Variants in TMEM132D observed in about 807,000 individuals in gnomAD.
TMEM132D encodes mature OL transmembrane protein.
Under a neutral mutation model 62.3 loss-of-function variants are expected in TMEM132D, and 21 were observed. The observed-to-expected ratio is 0.34, with a 90% CI of 0.24 to 0.49. The LOEUF is 0.49. Ranked by LOEUF, TMEM132D falls within the 20% of genes least tolerant of loss-of-function variation. TMEM132D has a pLI of 0.99. For missense variants in TMEM132D, 1,346 were observed against 1,402.8 expected (o/e 0.96, Z 0.65); for synonymous variants, 621 against 575.6 (o/e 1.08, Z -1.13).
chr12:129,653,043 C>A (rs1191382998), intron 2 of TMEM132D, among the ~76,000 whole-genome samples: 1 of 152,158 alleles, frequency 6.6e-6, no homozygotes, highest in African/African-American at 2.4e-5. Flanking sequence ...CACCAGTGGA[C>A]GCATTTTAAG....
At position 129,343,627 on chromosome 12, in the gene TMEM132D, T is replaced by A. The variant is rs139195182; in HGVS notation, c.1116-5810A>T. 4.6e-3 allele frequency among the ~76,000 whole-genome samples: 700 copies of A among 152,092 alleles called. 7 individuals carry two copies. The highest frequency in any genetic ancestry group is 0.016 in the African/African-American group (667 of 41,500). Reference sequence around the variant, plus strand: ...CCTAATTTTGTTTTACCGATAATAATGTTGCCGGGCGTGGTGGCTCATGCC... The same window carrying A: ...CCTAATTTTGTTTTACCGATAATAAAGTTGCCGGGCGTGGTGGCTCATGCC... On this transcript the variant is annotated intron_variant, in intron 3 of 8. Coordinates refer to ENST00000422113, the MANE Select transcript of TMEM132D (RefSeq NM_133448.3).
intron 4 of TMEM132D, among the ~76,000 whole-genome samples, 160 bp downstream of exon 4, chr12:129,337,468 CACACAT>C (rs1489160892): frequency 6.7e-5 from 10 of 149,870 alleles, no homozygotes; most frequent in Non-Finnish European, 6.0e-5. Flanking sequence ...CACACACACA[CACACAT>C]AACGATTGGC....
chr12:129,544,905 G>A (rs1463070057), intron 2 of TMEM132D, among the ~76,000 whole-genome samples: 1 of 152,096 alleles, frequency 6.6e-6, no homozygotes, highest in African/African-American at 2.4e-5. Context: ...CAGACATCAG[G>A]GTGACTGAGT....
chr12:129,421,603 G>A (rs1390354076), intron 3 of TMEM132D, among the ~76,000 whole-genome samples: 2 of 152,276 alleles, frequency 1.3e-5, no homozygotes, highest in African/African-American at 4.8e-5. Flanking sequence ...TAAGAAACCT[G>A]AATCAATAGA....
intron 4 of TMEM132D, among the ~76,000 whole-genome samples, chr12:129,289,296 C>A (rs1273408637): frequency 6.6e-6 from 1 of 152,062 alleles, no homozygotes; most frequent in Non-Finnish European, 1.5e-5. Context: ...GTAATCCCAG[C>A]ACTTTGGGAG....
chr12:129,546,214 T>C (rs1038759325), intron 2 of TMEM132D, among the ~76,000 whole-genome samples: 1 of 152,194 alleles, frequency 6.6e-6, no homozygotes, highest in Non-Finnish European at 1.5e-5. Context: ...AGAATGTGCT[T>C]ATTTTATTTA....
chr12:129,434,764 GCATATCCATCACC>G (rs1281573380), intron 3 of TMEM132D, among the ~76,000 whole-genome samples: 1 of 151,960 alleles, frequency 6.6e-6, no homozygotes, highest in Non-Finnish European at 1.5e-5. Context: ...AGAGTAATTA[GCATATCCATCACC>G]CATATCCATC....
intron 1 of TMEM132D, among the ~76,000 whole-genome samples, chr12:129,766,908 A>T (rs1870571889): frequency 6.6e-6 from 1 of 152,132 alleles, no homozygotes; most frequent in Non-Finnish European, 1.5e-5. Context: ...CCATGGCAAC[A>T]CCCGGAAGTT....
intron 5 of TMEM132D, among the ~76,000 whole-genome samples, chr12:129,180,945 T>C (rs180938166): frequency 1.3e-5 from 2 of 151,970 alleles, no homozygotes; most frequent in Non-Finnish European, 2.9e-5. Context: ...TGAGAAGATT[T>C]AGAGAATTTC....
At position 129,870,532 on chromosome 12, in the gene TMEM132D, A is replaced by G. The variant is rs547690741; in HGVS notation, c.79+32729T>C. On this transcript the variant is annotated intron_variant, in intron 1 of 8. Coordinates refer to ENST00000422113, the MANE Select transcript of TMEM132D (RefSeq NM_133448.3). ...TGTTGAGCATGATGCCCTGGATTCC[A>G]TGAGGAGAGAGCGCAAAAGCTCGGC... 2.6e-5 allele frequency among the ~76,000 whole-genome samples: 4 copies of G among 152,314 alleles called. No individual in the cohort carries two copies. In the South Asian group the frequency reaches 6.2e-4, roughly 24 times the overall value.
chr12:129,626,681 C>T (rs560986863), intron 2 of TMEM132D, among the ~76,000 whole-genome samples: 3 of 152,142 alleles, frequency 2.0e-5, no homozygotes, highest in Non-Finnish European at 4.4e-5. Context: ...GGTCTCAACT[C>T]CTGCCCTCAA....
chr12:129,141,217 T>C (rs1040112342), intron 5 of TMEM132D, among the ~76,000 whole-genome samples: 1 of 152,236 alleles, frequency 6.6e-6, no homozygotes, highest in African/African-American at 2.4e-5. Context: ...TCAAGTTCAA[T>C]GGTCAGCCTG....
At chr12:129,207,688 T>C (rs1333115342) in intron 5 of TMEM132D, among the ~76,000 whole-genome samples, 3 of 152,160 alleles carry the variant, frequency 2.0e-5, no homozygotes, top group Admixed American at 2.0e-4. Flanking sequence ...ACAGCAGGTA[T>C]GGCTGCAAAG....
intron 4 of TMEM132D, among the ~76,000 whole-genome samples, chr12:129,232,847 G>A (rs1879680905): frequency 6.6e-6 from 1 of 152,030 alleles, no homozygotes; most frequent in Non-Finnish European, 1.5e-5. Context: ...GAGAGAGAGA[G>A]AGCACAAAGG....
intron 3 of TMEM132D, among the ~76,000 whole-genome samples, chr12:129,431,290 T>C (rs1031380836): frequency 6.6e-6 from 1 of 152,230 alleles, no homozygotes; most frequent in Non-Finnish European, 1.5e-5. Flanking sequence ...CACTGCCATG[T>C]GCTACATCTC....
At chr12:129,286,939 T>C (rs1881316770) in intron 4 of TMEM132D, among the ~76,000 whole-genome samples, 1 of 152,002 alleles carries the variant, frequency 6.6e-6, no homozygotes, top group Admixed American at 6.6e-5. Context: ...TCCCAGCTAC[T>C]TGGAAGGCTG....
At chr12:129,346,823 A>C (rs1869699917) in intron 3 of TMEM132D, among the ~76,000 whole-genome samples, 1 of 152,200 alleles carries the variant, frequency 6.6e-6, no homozygotes, top group African/African-American at 2.4e-5. Flanking sequence ...GTCTCAGCCC[A>C]AAAACTCCTT....
At chr12:129,375,899 C>A (rs1391446165) in intron 3 of TMEM132D, among the ~76,000 whole-genome samples, 2 of 152,068 alleles carry the variant, frequency 1.3e-5, no homozygotes, top group African/African-American at 4.8e-5. Flanking sequence ...AGCCCCAGCC[C>A]CAGAAGTTCT....
chr12:129,811,537 A>G (rs1272498898), intron 1 of TMEM132D, among the ~76,000 whole-genome samples: 2 of 151,790 alleles, frequency 1.3e-5, no homozygotes, highest in East Asian at 3.9e-4. Context: ...TGGGACTCCA[A>G]GAAGGCTCCT....
Sources: allele counts gnomAD v4.1 joint callset (sites outside exome capture counted in the v4.1 genomes callset), GRCh38; gene constraint gnomAD v4.1.1; transcripts MANE v1.5; gene names NCBI Gene and HGNC (gene_info 2026-07-23, HGNC 2026-07-21).